The following SYNE3 variants were observed in gnomAD, a reference collection of about 807,000 sequenced individuals.
SYNE3 encodes the protein spectrin repeat containing nuclear envelope family member 3.
A neutral mutation model predicts 111.2 loss-of-function variants in SYNE3; 100 were observed. The ratio of observed to expected loss-of-function variants is 0.90; its 90% CI spans 0.77 to 1.06. The LOEUF is 1.06. Ranked by LOEUF, SYNE3 falls within the 50% of genes least tolerant of loss-of-function variation. The pLI is 0.00. For missense variants in SYNE3, 1,160 were observed against 1,240.3 expected (o/e 0.94, Z 0.97); for synonymous variants, 547 against 533.9 (o/e 1.02, Z -0.34).
Position 95,439,018 on chromosome 14 carries a change from G to T in SYNE3, c.2376+15C>A. On this transcript the variant is annotated intron_variant, in intron 14 of 17. Coordinates refer to ENST00000682763, the MANE Select transcript of SYNE3 (RefSeq NM_152592.6). ...GCCTGGCCCCTTCTCCCACAGCCCT[G>T]CTAGACAGACTCACGCGTCGACGAT... is the stretch of plus-strand genomic sequence containing the variant. 1 of 1,613,636 alleles carries T rather than the reference G, an allele frequency of 6.2e-7. No individual in the cohort carries two copies. The highest frequency in any genetic ancestry group is 8.5e-7 in the Non-Finnish European group (1 of 1,179,938).
At chr14:95,482,979 C>T (rs1889346772) in intron 1 of SYNE3, among the ~76,000 whole-genome samples, 1 of 152,150 alleles carries the variant, frequency 6.6e-6, no homozygotes, top group South Asian at 2.1e-4. Flanking sequence ...TGCCACACAG[C>T]TTCCACGGCC....
chr14:95,415,381 C>T lies in SYNE3; in HGVS notation c.*2445G>A, dbSNP rs1213939397. On this transcript the variant is annotated 3_prime_UTR_variant, in exon 18 of 18. Transcript: ENST00000682763. ...TCCTGATTTTCCAGTAAGGTGGTCG[C>T]CTGCAGAGAACGGCCCTATGGCTTG... The T allele has an allele frequency of 1.3e-5, 2 of 148,678 alleles. No individual in the cohort carries two copies. The highest frequency in any genetic ancestry group is 3.0e-5 in the Non-Finnish European group (2 of 67,638). The allele number at this position is 148,678 out of a possible 1,614,324, so 9.2% of individuals were successfully genotyped here. A position where few individuals can be genotyped will look rare whatever the true frequency, so the allele number is the denominator to read the frequency against.
At chr14:95,458,620 C>T (rs1458141382) in intron 4 of SYNE3, among the ~76,000 whole-genome samples, 1 of 152,242 alleles carries the variant, frequency 6.6e-6, no homozygotes, top group Non-Finnish European at 1.5e-5. Context: ...AATTAACAGC[C>T]TTCCTTCTGA....
chr14:95,514,941 G>A (rs1031457569), intron 1 of SYNE3, among the ~76,000 whole-genome samples: 26 of 152,248 alleles, frequency 1.7e-4, no homozygotes, highest in Non-Finnish European at 3.7e-4. Context: ...GGCTGCTGGA[G>A]AGCATGCAAA....
At chr14:95,505,214 C>T (rs780245564) in intron 1 of SYNE3, among the ~76,000 whole-genome samples, 19 of 152,236 alleles carry the variant, frequency 1.2e-4, no homozygotes, top group African/African-American at 2.2e-4. Flanking sequence ...CGCTGAACCC[C>T]GGGAAATGGC....
chr14:95,421,479 C>T (rs145141778), intron 17 of SYNE3, among the ~76,000 whole-genome samples: 51 of 152,308 alleles, frequency 3.3e-4, no homozygotes, highest in Non-Finnish European at 6.9e-4. Context: ...GACTCTACCA[C>T]GTCCTAGATG....
chr14:95,513,737 TTATATA>T (rs59944497), intron 1 of SYNE3, among the ~76,000 whole-genome samples: 8,895 of 92,418 alleles, frequency 0.096, 423 homozygotes, highest in African/African-American at 0.13. Context: ...GCTGCTTAGA[TTATATA>T]TATATATATA....
intron 8 of SYNE3, chr14:95,449,591 C>A: frequency 1.0e-6 from 1 of 985,478 alleles, no homozygotes; most frequent in South Asian, 4.7e-5. Flanking sequence ...TACCGCAGGT[C>A]AGGTCAGGTT....
chr14:95,430,045 A>T (rs1014253422), intron 17 of SYNE3: 3 of 679,310 alleles, frequency 4.4e-6, no homozygotes, highest in African/African-American at 4.1e-5. Flanking sequence ...AATGAACGCT[A>T]TGGCTGTGAA....
Position 95,436,942 on chromosome 14 carries a change from A to G in SYNE3, c.2416T>C (p.Phe806Leu), listed in dbSNP as rs1373486035. Residue 806 changes from phenylalanine (F) to leucine (L), a missense_variant, in exon 15 of 18, where the codon TTC becomes CTC. By Grantham distance (22) the Phe-to-Leu change is conservative. Coordinates refer to ENST00000682763, the MANE Select transcript of SYNE3 (RefSeq NM_152592.6). Reference sequence around the variant, plus strand: ...CCAAAGTTCCTCAGGAGCTGGGAGAAATCTTCATGGCTCCCTTCTTCTTCC... The same window carrying G: ...CCAAAGTTCCTCAGGAGCTGGGAGAGATCTTCATGGCTCCCTTCTTCTTCC... ...LQEEEGSHED[F>L]SQLLRNFGQW... 6.2e-7 allele frequency: 1 copy of G among 1,613,494 alleles called. No homozygotes were observed. The highest frequency in any genetic ancestry group is 1.3e-5 in the African/African-American group (1 of 74,768).
chr14:95,500,242 C>T lies in SYNE3; in HGVS notation c.-15+16354G>A, dbSNP rs528368979. On this transcript the variant is annotated intron_variant, in intron 1 of 17. Transcript: ENST00000682763. This position sits in a 1 kb window ranked among gnomAD's most constrained non-coding sequence, Gnocchi z 4.7. ...CCTTCACCTCCTTGGAGTCCAAGGT[C>T]GACTGTTAACAGGCTGTACAGGTTA... Among the ~76,000 whole-genome samples the T allele has an allele frequency of 1.2e-4, 18 of 152,156 alleles. No individual in the cohort carries two copies. The highest frequency in any genetic ancestry group is 2.1e-4 in the Non-Finnish European group (14 of 68,028).
chr14:95,454,113 C>T lies in SYNE3; in HGVS notation c.1137+1264G>A, dbSNP rs372591437. Among the ~76,000 whole-genome samples, 20 of 152,364 alleles carry T rather than the reference C, an allele frequency of 1.3e-4. No homozygotes were observed. In the East Asian group the frequency reaches 3.9e-3, roughly 29 times the overall value. On this transcript the variant is annotated intron_variant, in intron 6 of 17. Transcript: ENST00000682763. ...CTGAAACAGATGAGGGTCCTGTTCC[C>T]GTCAGCAGAGGGATAACACAAGTCA... is the stretch of plus-strand genomic sequence containing the variant.
intron 1 of SYNE3, among the ~76,000 whole-genome samples, chr14:95,478,085 C>T (rs1271497296): frequency 2.0e-5 from 3 of 152,102 alleles, no homozygotes; most frequent in African/African-American, 4.8e-5. Flanking sequence ...GAGGGTATAG[C>T]AGATGAAACC....
chr14:95,496,794 A>T (rs1226400332), intron 1 of SYNE3, among the ~76,000 whole-genome samples: 1 of 152,210 alleles, frequency 6.6e-6, no homozygotes, highest in Non-Finnish European at 1.5e-5. Flanking sequence ...TGTTTTCTCC[A>T]GGCAACTCAA....
intron 1 of SYNE3, among the ~76,000 whole-genome samples, chr14:95,492,797 C>T (rs1889911296): frequency 6.6e-6 from 1 of 152,172 alleles, no homozygotes; most frequent in African/African-American, 2.4e-5. Flanking sequence ...GGGAGGACTG[C>T]TTGAGGCCAG....
At chr14:95,454,804 G>A (rs1180884431) in intron 6 of SYNE3, among the ~76,000 whole-genome samples, 1 of 152,150 alleles carries the variant, frequency 6.6e-6, no homozygotes, top group African/African-American at 2.4e-5. Context: ...GGGGAGGGCC[G>A]TTGCTTCTTA....
At position 95,407,564 on chromosome 14, in the gene SYNE3, C is replaced by G. The variant is rs1903312484; in HGVS notation, c.*10262G>C. ...GTCGTTTGGCTCCAATACTGCTTGC[C>G]TTCCCAGAAAGCTTAATTTATTGCA... On this transcript the variant is annotated 3_prime_UTR_variant, in exon 18 of 18. Transcript: ENST00000682763. The G allele has an allele frequency of 6.6e-6, 1 of 152,114 alleles. No individual in the cohort carries two copies. The highest frequency in any genetic ancestry group is 6.6e-5 in the Admixed American group (1 of 15,256). 9.4% of individuals were successfully genotyped at this position (152,114 alleles called of 1,614,324 possible).
rs1278468890 is a variant in SYNE3, at chr14:95,452,285, G to A, written c.1236C>T (p.Leu412=). Residue 412 remains leucine, a synonymous_variant, in exon 7 of 18, where the codon CTC becomes CTT. Coordinates refer to ENST00000682763, the MANE Select transcript of SYNE3 (RefSeq NM_152592.6). ...GGATGGTAGCGATGACACTATCAGAGAGTGGCTTCAGGTTGTGAGGGAAGA... is the reference window on the plus strand; with the variant it reads ...GGATGGTAGCGATGACACTATCAGAAAGTGGCTTCAGGTTGTGAGGGAAGA... The part of the protein sequence containing the change: ...LIVFPHNLKP[L]SDSVIATIQE... 3 of 1,613,718 alleles carry A rather than the reference G, an allele frequency of 1.9e-6. No homozygotes were observed. The African/African-American group carries it at 4.0e-5, about 22-fold the overall frequency.
rs1035984542 is a variant in SYNE3 at position 95,485,089 on chromosome 14, G to A, written c.-14-9254C>T. ...GGCTTGGAGGATGTCTCAGCCTCCC[G>A]TAGATGAGAACAGATGATTCTAACC... On this transcript the variant is annotated intron_variant, in intron 1 of 17. Transcript: ENST00000682763. The surrounding 1 kb of genome is among the most constrained non-coding windows in gnomAD (Gnocchi z 4.3). 5.3e-5 allele frequency among the ~76,000 whole-genome samples: 8 copies of A among 152,152 alleles called. No individual in the cohort carries two copies. Among genetic ancestry groups the A allele is most frequent in the South Asian group, 2.1e-4 (1 of 4,818 alleles).
Sources: gnomAD v4.1 joint callset for allele counts (sites outside exome capture counted in the v4.1 genomes callset) on GRCh38, gnomAD v4.1.1 for gene constraint, Gnocchi (gnomAD v3.1) non-coding constraint, MANE v1.5 for transcripts, NCBI Gene and HGNC (gene_info 2026-07-23, HGNC 2026-07-21) for gene names.